The following NFRKB variants were observed in gnomAD, a reference collection of about 807,000 sequenced individuals.
NFRKB encodes the protein nuclear factor related to kappaB binding protein.
In NFRKB, 62 loss-of-function variants were observed where a neutral mutation model predicts 135.7. The ratio of observed to expected loss-of-function variants is 0.46; its 90% CI spans 0.37 to 0.56. The LOEUF is 0.56. Ranked by LOEUF, NFRKB falls within the 20% of genes least tolerant of loss-of-function variation. The pLI is 0.00. For missense variants in NFRKB, 1,545 were observed against 1,662.0 expected, an observed-to-expected ratio of 0.93 and a Z score of 1.22; for synonymous variants, 678 against 635.6, an observed-to-expected ratio of 1.07 and a Z score of -1.00.
At position 129,865,987 on chromosome 11, in the gene NFRKB, G is replaced by T; in HGVS notation, c.3532-4C>A. The T allele has an allele frequency of 6.4e-7, 1 of 1,553,290 alleles. No homozygotes were observed. The highest frequency in any genetic ancestry group is 8.7e-7 in the Non-Finnish European group (1 of 1,149,834). On this transcript the variant is annotated splice_polypyrimidine_tract_variant and splice_region_variant and intron_variant, in intron 24 of 26. Coordinates refer to ENST00000682444, the MANE Select transcript of NFRKB (RefSeq NM_001143835.2). ...TGATCCGTGTAGGCAACTTCCCCTAGAAAAAAAAAGCAGTCAGGTTTTGTA... is the reference window on the plus strand; with the variant it reads ...TGATCCGTGTAGGCAACTTCCCCTATAAAAAAAAAGCAGTCAGGTTTTGTA...
rs1948073061 is a variant in NFRKB, at chr11:129,863,946, T to A, written c.*779A>T. 6.6e-6 allele frequency: 1 copy of A among 152,348 alleles called. No homozygotes were observed. Among genetic ancestry groups the A allele is most frequent in the South Asian group, 2.1e-4 (1 of 4,836 alleles). The allele number at this position is 152,348 out of a possible 1,614,324, so 9.4% of individuals were successfully genotyped here. On this transcript the variant is annotated 3_prime_UTR_variant, in exon 27 of 27. Coordinates refer to ENST00000682444, the MANE Select transcript of NFRKB (RefSeq NM_001143835.2). ...CGTCCCCTCCTCTCTGTCCACTGGC[T>A]CTGGACGTCCATGTGAACAGGCTTG...
intron 2 of NFRKB, chr11:129,893,133 T>A: frequency 7.8e-7 from 1 of 1,278,954 alleles, no homozygotes; most frequent in Non-Finnish European, 1.0e-6. Flanking sequence ...GCCTTCATTT[T>A]ACAGATGAGT....
chr11:129,875,989 C>T (rs767592930), intron 17 of NFRKB, among the ~76,000 whole-genome samples: 1 of 152,096 alleles, frequency 6.6e-6, no homozygotes, highest in Non-Finnish European at 1.5e-5. Flanking sequence ...TTTTAGGTAA[C>T]ACCTTAAGAA....
At chr11:129,866,430 A>C (rs1017095454) in intron 24 of NFRKB, among the ~76,000 whole-genome samples, 1 of 151,964 alleles carries the variant, frequency 6.6e-6, no homozygotes, top group African/African-American at 2.4e-5. Context: ...CTCAAGAGTT[A>C]ATACCTAAAG....
chr11:129,867,429 G>A (rs1220422470), intron 24 of NFRKB, among the ~76,000 whole-genome samples: 1 of 145,874 alleles, frequency 6.9e-6, no homozygotes, highest in African/African-American at 2.6e-5. Flanking sequence ...TGATTATCCT[G>A]CCTCAGCCCC....
chr11:129,884,708 T>G, intron 7 of NFRKB, 37 bp downstream of exon 7: 2 of 1,610,224 alleles, frequency 1.2e-6, no homozygotes, highest in Non-Finnish European at 1.7e-6. Flanking sequence ...TCCACCGCAA[T>G]GTCCCAGAAT....
At chr11:129,882,267 C>T (rs1025075262) in intron 10 of NFRKB, 73 bp from the exon 11 acceptor site, 17 of 1,418,584 alleles carry the variant, frequency 1.2e-5, no homozygotes, top group Non-Finnish European at 1.6e-5. Flanking sequence ...GGCGCCCAAG[C>T]CTCCTAGCAG....
rs1948439098 is a variant in NFRKB, at chr11:129,870,276, G to A, written c.2764-15C>T. On this transcript the variant is annotated splice_polypyrimidine_tract_variant and intron_variant, in intron 23 of 26. Transcript: ENST00000682444. ...GTGATTGCCACCTGAATGGGGAGAAGCAGCACTGATGAGGGATTCACAATA... is the reference window on the plus strand; with the variant it reads ...GTGATTGCCACCTGAATGGGGAGAAACAGCACTGATGAGGGATTCACAATA... The A allele has an allele frequency of 6.2e-7, 1 of 1,607,810 alleles. No individual in the cohort carries two copies. The highest frequency in any genetic ancestry group is 8.5e-7 in the Non-Finnish European group (1 of 1,175,326).
Position 129,874,196 on chromosome 11 carries a change from G to T in NFRKB, c.2196C>A (p.Ala732=). ...PVTPTTPALP[A]IPISPPPVSA... is the part of the protein sequence containing the mutation. ...ATACAGGTGGAGGGGAGATGGGAAT[G>T]GCGGGCAATGCTGGTGTGGTGGGGG... is the stretch of plus-strand genomic sequence containing the variant. Residue 732 remains alanine, a synonymous_variant, in exon 21 of 27, where the codon GCC becomes GCA. Transcript: ENST00000682444. This position sits in a 1 kb window ranked among gnomAD's most constrained non-coding sequence, Gnocchi z 4.5. 2.0e-6 allele frequency: 3 copies of T among 1,520,518 alleles called. No homozygotes were observed. Among genetic ancestry groups the T allele is most frequent in the Non-Finnish European group, 2.6e-6 (3 of 1,136,208 alleles). The allele number at this position is 1,520,518 out of a possible 1,614,324, so 94.2% of individuals were successfully genotyped here. A position where few individuals can be genotyped will look rare whatever the true frequency, so the allele number is the denominator to read the frequency against.
rs375216582 is a variant in NFRKB at position 129,875,439 on chromosome 11, G to C, written c.1772C>G (p.Pro591Arg). The C allele has an allele frequency of 2.5e-6, 4 of 1,608,598 alleles. No individual in the cohort carries two copies. Among genetic ancestry groups the C allele is most frequent in the Non-Finnish European group, 3.4e-6 (4 of 1,178,384 alleles). The change falls in exon 18 of 27, where the codon CCT becomes CGT. Residue 591 changes from proline (P) to arginine (R), a missense_variant. This residue lies in a region of NFRKB where 114 missense variants were observed against 211.0 expected (regional missense o/e 0.54). Coordinates refer to ENST00000682444, the MANE Select transcript of NFRKB (RefSeq NM_001143835.2). ...SLVRDAAARLPNGEGTRAEIC... is the reference protein window; with the variant it reads ...SLVRDAAARLRNGEGTRAEIC... Reference sequence around the variant, plus strand: ...CTCTGCCCGTGTGCCTTCTCCATTAGGCAGTCGAGCCGCAGCGTCCCGAAC... The same window carrying C: ...CTCTGCCCGTGTGCCTTCTCCATTACGCAGTCGAGCCGCAGCGTCCCGAAC...
At chr11:129,890,155 T>C (rs1591535409) in intron 3 of NFRKB, among the ~76,000 whole-genome samples, 1 of 151,970 alleles carries the variant, frequency 6.6e-6, no homozygotes. Context: ...GTTGTGACTT[T>C]TATCCCTAAG....
chr11:129,875,559 G>T, intron 17 of NFRKB, 96 bp from the exon 18 acceptor site: 1 of 889,220 alleles, frequency 1.1e-6, no homozygotes, highest in South Asian at 1.6e-5. Flanking sequence ...AGCTGCCTGG[G>T]GTTCCTGCTC....
intron 15 of NFRKB, 96 bp from the exon 16 acceptor site, chr11:129,877,481 A>C (rs934149792): frequency 1.8e-6 from 2 of 1,138,812 alleles, no homozygotes; most frequent in African/African-American, 3.1e-5. Flanking sequence ...TGACATGGAA[A>C]GATGTCCCTC....
chr11:129,876,870 T>A lies in NFRKB; in HGVS notation c.1598A>T (p.His533Leu). The change falls in exon 17 of 27, where the codon CAT (histidine) becomes CTT (leucine). Residue 533 changes from histidine (H) to leucine (L), a missense_variant. This residue lies in a region of NFRKB where 114 missense variants were observed against 211.0 expected (regional missense o/e 0.54). Coordinates refer to ENST00000682444, the MANE Select transcript of NFRKB (RefSeq NM_001143835.2). Reference sequence around the variant, plus strand: ...GTGCATGCGAAAGGTGAACGCCTTATGGGGTTGGCTATACCTGTAACGCTC... The same window carrying A: ...GTGCATGCGAAAGGTGAACGCCTTAAGGGGTTGGCTATACCTGTAACGCTC... ...EQERYRYSQP[H>L]KAFTFRMHGF... 6.2e-7 allele frequency: 1 copy of A among 1,614,156 alleles called. No homozygotes were observed. Among genetic ancestry groups the A allele is most frequent in the Non-Finnish European group, 8.5e-7 (1 of 1,180,020 alleles).
chr11:129,870,190 G>C lies in NFRKB; in HGVS notation c.2835C>G (p.Phe945Leu), dbSNP rs1157687983. 2 of 1,614,210 alleles carry C rather than the reference G, an allele frequency of 1.2e-6. No individual in the cohort carries two copies. The highest frequency in any genetic ancestry group is 1.7e-6 in the Non-Finnish European group (2 of 1,180,042). Residue 945 changes from phenylalanine to leucine, a missense_variant, in exon 24 of 27, where the codon TTC (phenylalanine) becomes TTG (leucine). Phe to Leu is a conservative substitution (Grantham distance 22). Transcript: ENST00000682444. ...GNSIPLTATNFRIQGKDVLRL... is the reference protein window; with the variant it reads ...GNSIPLTATNLRIQGKDVLRL... ...GCAATACATCCTTACCCTGGATGCGGAAGTTAGTGGCTGTGAGTGGAATGC... is the reference window on the plus strand; with the variant it reads ...GCAATACATCCTTACCCTGGATGCGCAAGTTAGTGGCTGTGAGTGGAATGC...
rs890965592 is a variant in NFRKB, at chr11:129,873,039, G to A, written c.2608C>T (p.Pro870Ser). 1.5e-5 allele frequency: 24 copies of A among 1,613,902 alleles called. No homozygotes were observed. The highest frequency in any genetic ancestry group is 1.9e-5 in the Non-Finnish European group (23 of 1,179,978). Residue 870 changes from proline (P) to serine (S), a missense_variant, in exon 23 of 27, where the codon CCT (proline) becomes TCT (serine). This residue lies in a region of NFRKB where 753 missense variants were observed against 804.3 expected (regional missense o/e 0.94). Transcript: ENST00000682444. The stretch of plus-strand genomic sequence containing the variant: ...GTGAGCCCTGTCTGCCCGGGTCCAG[G>A]CCGCTGCACAGTGGCTGCCGTAGTC... ...AQTTAATVQRPGPGQTGLTVT... is the reference protein window; with the variant it reads ...AQTTAATVQRSGPGQTGLTVT...
At chr11:129,887,043 CTGTCAAGT>C (rs1221496819) in intron 4 of NFRKB, among the ~76,000 whole-genome samples, 14 of 152,222 alleles carry the variant, frequency 9.2e-5, no homozygotes, top group African/African-American at 3.4e-4. Context: ...TCATTAGCAG[CTGTCAAGT>C]TGTCAAGTTT....
chr11:129,865,137 T>C (rs1294753946), intron 25 of NFRKB, 36 bp from the exon 26 acceptor site: 1 of 1,589,276 alleles, frequency 6.3e-7, no homozygotes, highest in Non-Finnish European at 8.6e-7. Flanking sequence ...TATAATGATA[T>C]CGACAGGTAT....
chr11:129,888,581 C>T lies in NFRKB; in HGVS notation c.337+13G>A. 6.2e-7 allele frequency: 1 copy of T among 1,613,908 alleles called. No individual in the cohort carries two copies. Among genetic ancestry groups the T allele is most frequent in the Non-Finnish European group, 8.5e-7 (1 of 1,179,798 alleles). ...CACCACCCCCCTCAAAGAAAGAATACTGAGCTACAAACCTCGGAAAAGCTT... is the reference window on the plus strand; with the variant it reads ...CACCACCCCCCTCAAAGAAAGAATATTGAGCTACAAACCTCGGAAAAGCTT... On this transcript the variant is annotated intron_variant, in intron 4 of 26. Coordinates refer to ENST00000682444, the MANE Select transcript of NFRKB (RefSeq NM_001143835.2).
Sources: gnomAD v4.1 joint callset for allele counts (sites outside exome capture counted in the v4.1 genomes callset) on GRCh38, gnomAD v4.1.1 for gene constraint, gnomAD v4.1.1 regional missense constraint, Gnocchi (gnomAD v3.1) non-coding constraint, MANE v1.5 for transcripts, NCBI Gene and HGNC (gene_info 2026-07-23, HGNC 2026-07-21) for gene names.